The following PLPP4 variants were observed in gnomAD, a reference collection of about 807,000 sequenced individuals.
PLPP4 encodes phospholipid phosphatase 4, also known as diacylglycerol pyrophosphate like 2.
Under a neutral mutation model 32.2 loss-of-function variants are expected in PLPP4, and 20 were observed. The ratio of observed to expected loss-of-function variants is 0.62; its 90% CI spans 0.44 to 0.90. The LOEUF is 0.90. Ranked by LOEUF, PLPP4 falls within the 40% of genes least tolerant of loss-of-function variation. The probability of loss-of-function intolerance (pLI) is 0.00; values close to 1 mark genes in which losing one functional copy is unlikely to be tolerated. For synonymous variants in PLPP4, 127 were observed against 133.0 expected (o/e 0.95, Z 0.31); for missense variants, 257 against 353.1 (o/e 0.73, Z 2.18).
chr10:120,580,132 A>G (rs1032938215), intron 6 of PLPP4, among the ~76,000 whole-genome samples: 13 of 145,660 alleles, frequency 8.9e-5, no homozygotes, highest in African/African-American at 3.1e-4. Context: ...AAAAAAAAAA[A>G]AAAAAAAGGA....
At chr10:120,524,111 A>G (rs1398368243) in intron 5 of PLPP4, among the ~76,000 whole-genome samples, 1 of 152,192 alleles carries the variant, frequency 6.6e-6, no homozygotes, top group Non-Finnish European at 1.5e-5. Flanking sequence ...ACCCATTTTT[A>G]CTACCTGGCA....
At chr10:120,470,798 T>C (rs1848487063) in intron 1 of PLPP4, among the ~76,000 whole-genome samples, 2 of 152,068 alleles carry the variant, frequency 1.3e-5, no homozygotes, top group South Asian at 4.1e-4. Flanking sequence ...CTCCACCCAC[T>C]GGGAAGGAGT....
At chr10:120,586,455 C>T (rs1181130648) in intron 6 of PLPP4, among the ~76,000 whole-genome samples, 1 of 152,086 alleles carries the variant, frequency 6.6e-6, no homozygotes, top group African/African-American at 2.4e-5. Context: ...GTAGAGTCTC[C>T]AAATAATCTC....
intron 6 of PLPP4, among the ~76,000 whole-genome samples, chr10:120,588,742 G>A (rs1425790480): frequency 6.6e-6 from 1 of 152,218 alleles, no homozygotes. Context: ...GCTCAGGTGT[G>A]AGTTAAAGAA....
chr10:120,581,038 C>G, intron 6 of PLPP4: 1 of 1,288,596 alleles, frequency 7.8e-7, no homozygotes, highest in Non-Finnish European at 1.0e-6. Flanking sequence ...GCGTAAGAAG[C>G]CTCAGCCCCT....
At chr10:120,570,011 T>G (rs1848859052) in intron 5 of PLPP4, among the ~76,000 whole-genome samples, 1 of 152,180 alleles carries the variant, frequency 6.6e-6, no homozygotes. Context: ...ATATAAATGA[T>G]TTGTACTTTC....
At chr10:120,507,758 A>C (rs1845564141) in intron 2 of PLPP4, among the ~76,000 whole-genome samples, 1 of 152,156 alleles carries the variant, frequency 6.6e-6, no homozygotes, top group Non-Finnish European at 1.5e-5. Context: ...AGGGCTAAGA[A>C]AGGGGGCAGG....
rs1335040890 is a variant in PLPP4 at position 120,518,817 on chromosome 10, T to G, written c.257-16T>G. On this transcript the variant is annotated splice_polypyrimidine_tract_variant and intron_variant, in intron 3 of 6. Transcript: ENST00000398250. The stretch of plus-strand genomic sequence containing the variant: ...GCCAGCTTGCTATTTTTCTGTCTGT[T>G]GGTTTTGTTTTGTAGCGGTGTCCTT... 2 of 1,609,104 alleles carry G rather than the reference T, an allele frequency of 1.2e-6. No individual in the cohort carries two copies. The highest frequency in any genetic ancestry group is 1.7e-6 in the Non-Finnish European group (2 of 1,177,314).
chr10:120,550,613 AC>A (rs1301702610), intron 5 of PLPP4, among the ~76,000 whole-genome samples: 1 of 151,952 alleles, frequency 6.6e-6, no homozygotes, highest in African/African-American at 2.4e-5. Context: ...CAAGAAATTG[AC>A]CCACACCTTT....
At chr10:120,497,539 C>T (rs1418405809) in intron 1 of PLPP4, among the ~76,000 whole-genome samples, 1 of 151,992 alleles carries the variant, frequency 6.6e-6, no homozygotes, top group Non-Finnish European at 1.5e-5. Flanking sequence ...CACACATGAA[C>T]AATGCACAAA....
rs958036589 is a variant in PLPP4 at position 120,581,262 on chromosome 10, G to C, written c.616+5961G>C. 7.1e-6 allele frequency: 7 copies of C among 985,280 alleles called. No individual in the cohort carries two copies. In the African/African-American group the frequency reaches 1.0e-4, roughly 15 times the overall value. The allele number at this position is 985,280 out of a possible 1,614,324, so 61.0% of individuals were successfully genotyped here. A position where few individuals can be genotyped will look rare whatever the true frequency, so the allele number is the denominator to read the frequency against. On this transcript the variant is annotated intron_variant, in intron 6 of 6. Coordinates refer to ENST00000398250, the MANE Select transcript of PLPP4 (RefSeq NM_001030059.3). ...ACTCAAGGGAACCTGTCTCTTCTCA[G>C]CTTTCTGTGGTGTTCTGTGGTTCCT...
chr10:120,565,479 G>A (rs1848652194), intron 5 of PLPP4, among the ~76,000 whole-genome samples: 3 of 152,190 alleles, frequency 2.0e-5, no homozygotes, highest in South Asian at 2.1e-4. Context: ...GAACTTTGAT[G>A]ATATTATTTC....
intron 5 of PLPP4, among the ~76,000 whole-genome samples, chr10:120,559,860 C>T (rs1487043115): frequency 6.6e-6 from 1 of 152,242 alleles, no homozygotes; most frequent in South Asian, 2.1e-4. Context: ...ATAGGTGGTA[C>T]GTGGCATCAT....
At chr10:120,555,897 C>G (rs1288170316) in intron 5 of PLPP4, among the ~76,000 whole-genome samples, 1 of 152,154 alleles carries the variant, frequency 6.6e-6, no homozygotes, top group African/African-American at 2.4e-5. Context: ...GGGATCCTTC[C>G]AAGAGAGTAA....
intron 1 of PLPP4, among the ~76,000 whole-genome samples, chr10:120,476,629 A>G (rs1183975772): frequency 1.3e-5 from 2 of 152,092 alleles, no homozygotes; most frequent in Non-Finnish European, 2.9e-5. Context: ...ACAAACCCAC[A>G]CTCAGATGCA....
At chr10:120,508,911 C>T (rs2133879251) in intron 2 of PLPP4, among the ~76,000 whole-genome samples, 1 of 152,306 alleles carries the variant, frequency 6.6e-6, no homozygotes, top group Middle Eastern at 3.4e-3. Context: ...TAATGAAATA[C>T]TAGTCAACAA....
intron 1 of PLPP4, among the ~76,000 whole-genome samples, chr10:120,496,902 A>G (rs57061285): frequency 8.8e-6 from 1 of 114,192 alleles, no homozygotes; most frequent in Non-Finnish European, 1.9e-5. Context: ...AGAGAGAGAG[A>G]GAATGTGTGA....
At chr10:120,503,337 C>T (rs1371214478) in intron 1 of PLPP4, among the ~76,000 whole-genome samples, 1 of 152,202 alleles carries the variant, frequency 6.6e-6, no homozygotes, top group African/African-American at 2.4e-5. Flanking sequence ...ACCCCTGCAT[C>T]TCTGCCCCTT....
intron 1 of PLPP4, among the ~76,000 whole-genome samples, chr10:120,497,207 G>A (rs1010184080): frequency 3.5e-4 from 53 of 152,078 alleles, no homozygotes; most frequent in Non-Finnish European, 4.1e-4. Flanking sequence ...TGGCAGCCAC[G>A]GTTTGCCTAA....
Sources: gnomAD v4.1 joint callset for allele counts (sites outside exome capture counted in the v4.1 genomes callset) on GRCh38, gnomAD v4.1.1 for gene constraint, MANE v1.5 for transcripts, NCBI Gene and HGNC (gene_info 2026-07-23, HGNC 2026-07-21) for gene names.